The following DAAM1 variants were observed in gnomAD, a reference collection of about 807,000 sequenced individuals.
DAAM1 encodes the protein disheveled-associated activator of morphogenesis 1.
In DAAM1, 52 loss-of-function variants were observed where a neutral mutation model predicts 130.0. The ratio of observed to expected loss-of-function variants is 0.40; its 90% CI spans 0.32 to 0.50. DAAM1 has a LOEUF of 0.50. Among genes scored for constraint, DAAM1 ranks in the 20% least tolerant of loss-of-function variants. DAAM1 has a pLI of 0.61. For missense variants in DAAM1, 1,134 were observed against 1,303.8 expected, an observed-to-expected ratio of 0.87 and a Z score of 2.01; for synonymous variants, 452 against 444.5, an observed-to-expected ratio of 1.02 and a Z score of -0.21.
In DAAM1 at chr14:59,368,642, A is replaced by C. The variant is rs766472577; in HGVS notation, c.2998-8A>C. ...TGTCTCAAAGAGGTTATTTCTTTCT[A>C]TTTGCAGCTCAAAGAACAACGTGAA... On this transcript the variant is annotated splice_region_variant and splice_polypyrimidine_tract_variant and intron_variant, in intron 24 of 24. Coordinates refer to ENST00000360909, the MANE Select transcript of DAAM1 (RefSeq NM_001270520.2). The C allele has an allele frequency of 1.2e-6, 2 of 1,609,354 alleles. No individual in the cohort carries two copies. Among genetic ancestry groups the C allele is most frequent in the Admixed American group, 1.7e-5 (1 of 59,560 alleles).
At chr14:59,295,235 A>G (rs1369446952) in intron 3 of DAAM1, among the ~76,000 whole-genome samples, 1 of 152,166 alleles carries the variant, frequency 6.6e-6, no homozygotes, top group Non-Finnish European at 1.5e-5. Flanking sequence ...ACATTTCTGT[A>G]TGTGTTGAGG....
At chr14:59,207,642 A>G (rs1249978509) in intron 1 of DAAM1, among the ~76,000 whole-genome samples, 1 of 152,238 alleles carries the variant, frequency 6.6e-6, no homozygotes, top group Non-Finnish European at 1.5e-5. Context: ...AAATGACAAC[A>G]TCCTCGTGTT....
Position 59,308,000 on chromosome 14 carries a change from T to C in DAAM1, c.274-7280T>C, listed in dbSNP as rs529262356. 2.0e-5 allele frequency among the ~76,000 whole-genome samples: 3 copies of C among 152,296 alleles called. 1 individual carries two copies. Among genetic ancestry groups the C allele is most frequent in the African/African-American group, 7.2e-5 (3 of 41,550 alleles). ...TATGTATACTTAATAAAGCAAGGAC[T>C]AAACAAGTTTCCCTCCACTTAATAT... On this transcript the variant is annotated intron_variant, in intron 3 of 24. Transcript: ENST00000360909.
intron 1 of DAAM1, among the ~76,000 whole-genome samples, chr14:59,239,251 T>G (rs1418681676): frequency 6.6e-6 from 1 of 152,202 alleles, no homozygotes; most frequent in Non-Finnish European, 1.5e-5. Flanking sequence ...ACTTTTTTTG[T>G]GGTTATATAA....
chr14:59,323,217 C>G lies in DAAM1; in HGVS notation c.766C>G (p.Arg256Gly). The G allele has an allele frequency of 6.2e-7, 1 of 1,602,588 alleles. No individual in the cohort carries two copies. The highest frequency in any genetic ancestry group is 8.5e-7 in the Non-Finnish European group (1 of 1,172,866). ...HYQKYASERT[R>G]FQTLINDLDK... is the part of the protein sequence containing the mutation. The stretch of plus-strand genomic sequence containing the variant: ...CCAGAAGTATGCCAGCGAAAGGACC[C>G]GCTTTCAGGTGGGTGTTCGCTCAGC... Residue 256 changes from arginine (R) to glycine (G), a missense_variant, in exon 6 of 25, where the codon CGC becomes GGC. Physicochemically the swap from Arg to Gly is moderately radical, Grantham distance 125. This residue lies in a region of DAAM1 where 391 missense variants were observed against 521.6 expected (regional missense o/e 0.75). Coordinates refer to ENST00000360909, the MANE Select transcript of DAAM1 (RefSeq NM_001270520.2).
Position 59,326,609 on chromosome 14 carries a change from C to A in DAAM1, c.1274C>A (p.Thr425Lys). 1 of 1,613,866 alleles carries A rather than the reference C, an allele frequency of 6.2e-7. No homozygotes were observed. The highest frequency in any genetic ancestry group is 2.2e-5 in the East Asian group (1 of 44,856). Residue 425 changes from threonine (T) to lysine (K), a missense_variant, in exon 11 of 25, where the codon ACA becomes AAA. Around this residue, in one of 3 missense-constraint regions of DAAM1, gnomAD observed 391 missense variants for 521.6 expected, o/e 0.75. Transcript: ENST00000360909. ...GACAAAGGACAGGACCCTGACTCCA[C>A]ACCTTTGGAAAACTTTAATATTAAG... ...QNDKGQDPDS[T>K]PLENFNIKNV...
chr14:59,369,714 A>AGACTT lies in DAAM1; in HGVS notation c.*856_*860dup, dbSNP rs1414000661. On this transcript the variant is annotated 3_prime_UTR_variant, in exon 25 of 25. Coordinates refer to ENST00000360909, the MANE Select transcript of DAAM1 (RefSeq NM_001270520.2). ...TAAAAATAATAAAATATCTCACCCA[A>AGACTT]GACTTAAAGGAAGAATTCTCTGAAG... 2 of 149,018 alleles carry AGACTT rather than the reference A, an allele frequency of 1.3e-5. No individual in the cohort carries two copies. Among genetic ancestry groups the AGACTT allele is most frequent in the African/African-American group, 5.0e-5 (2 of 40,078 alleles). 9.2% of individuals were successfully genotyped at this position (149,018 alleles called of 1,614,324 possible).
intron 1 of DAAM1, among the ~76,000 whole-genome samples, chr14:59,202,704 T>G (rs968481891): frequency 6.6e-6 from 1 of 152,236 alleles, no homozygotes; most frequent in Non-Finnish European, 1.5e-5. Flanking sequence ...GTTTCCCCAA[T>G]GAAATGCTCT....
At chr14:59,341,150 T>C (rs1273074871) in intron 16 of DAAM1, among the ~76,000 whole-genome samples, 1 of 152,220 alleles carries the variant, frequency 6.6e-6, no homozygotes, top group Admixed American at 6.5e-5. Context: ...GGAGCAAATG[T>C]TTCTTTTAAT....
chr14:59,190,141 C>G (rs1337780130), intron 1 of DAAM1, among the ~76,000 whole-genome samples: 1 of 152,026 alleles, frequency 6.6e-6, no homozygotes, highest in South Asian at 2.1e-4. Flanking sequence ...GTCAAACGCT[C>G]GCCCTGGCCC....
intron 20 of DAAM1, among the ~76,000 whole-genome samples, chr14:59,358,949 C>G (rs1042721401): frequency 6.6e-6 from 1 of 152,238 alleles, no homozygotes; most frequent in African/African-American, 2.4e-5. Context: ...CTCTCCACCC[C>G]ACCCCACTCC....
At chr14:59,244,213 C>G (rs1881255405) in intron 1 of DAAM1, among the ~76,000 whole-genome samples, 1 of 150,676 alleles carries the variant, frequency 6.6e-6, no homozygotes, top group East Asian at 1.9e-4. Context: ...GCCTCCCCAG[C>G]TATGTGGCAC....
intron 3 of DAAM1, among the ~76,000 whole-genome samples, chr14:59,307,698 C>T (rs1306942769): frequency 2.6e-5 from 4 of 152,192 alleles, no homozygotes; most frequent in Middle Eastern, 3.4e-3. Flanking sequence ...AGGTATCAGG[C>T]TTCATATGCA....
At chr14:59,343,927 A>G (rs999632759) in intron 16 of DAAM1, among the ~76,000 whole-genome samples, 1 of 152,196 alleles carries the variant, frequency 6.6e-6, no homozygotes, top group African/African-American at 2.4e-5. Context: ...CACGTCTTAG[A>G]GACGTTCCTC....
intron 2 of DAAM1, among the ~76,000 whole-genome samples, chr14:59,269,746 A>C (rs1882627769): frequency 6.6e-6 from 1 of 152,154 alleles, no homozygotes; most frequent in Non-Finnish European, 1.5e-5. Flanking sequence ...GGCATGAAAA[A>C]CAAGAAGGAA....
chr14:59,232,821 G>A (rs990280513), intron 1 of DAAM1, among the ~76,000 whole-genome samples: 19 of 151,922 alleles, frequency 1.3e-4, no homozygotes, highest in Non-Finnish European at 7.4e-5. Context: ...AGCCCCTGGT[G>A]TATGTTGTTC....
intron 2 of DAAM1, among the ~76,000 whole-genome samples, chr14:59,272,910 G>C (rs1228349505): frequency 6.6e-6 from 1 of 152,152 alleles, no homozygotes; most frequent in Admixed American, 6.6e-5. Context: ...TCCAGGACTT[G>C]ATCAGTTATT....
chr14:59,313,569 T>G (rs1884674938), intron 3 of DAAM1, among the ~76,000 whole-genome samples: 1 of 152,164 alleles, frequency 6.6e-6, no homozygotes, highest in East Asian at 1.9e-4. Flanking sequence ...TCATGGGACT[T>G]GATTTTGTTT....
At chr14:59,345,790 C>A (rs1001928175) in intron 16 of DAAM1, among the ~76,000 whole-genome samples, 3 of 152,122 alleles carry the variant, frequency 2.0e-5, no homozygotes, top group African/African-American at 7.2e-5. Context: ...TGACTGTAAT[C>A]ACTGTTAAAA....
Sources: allele counts gnomAD v4.1 joint callset (sites outside exome capture counted in the v4.1 genomes callset), GRCh38; gene constraint gnomAD v4.1.1; regional missense constraint gnomAD v4.1.1; transcripts MANE v1.5; gene names NCBI Gene and HGNC (gene_info 2026-07-23, HGNC 2026-07-21).